CASQ2: variants seen among roughly 807,000 people sequenced by gnomAD.
The protein encoded by CASQ2 is calsequestrin 2.
CASQ2 carries 49 observed loss-of-function variants against 46.5 expected under a neutral mutation model. The ratio of observed to expected loss-of-function variants is 1.05; its 90% confidence interval spans 0.84 to 1.34. The LOEUF (loss-of-function observed/expected upper bound fraction) is 1.34. CASQ2 is among the 40% of genes most tolerant of loss of function. The pLI is 0.00. For missense variants in CASQ2, 486 were observed against 481.3 expected, an observed-to-expected ratio of 1.01 and a Z score of -0.09; for synonymous variants, 174 against 168.5, an observed-to-expected ratio of 1.03 and a Z score of -0.25.
At chr1:115,745,361 G>A (rs7518735) in intron 1 of CASQ2, among the ~76,000 whole-genome samples, 6 of 125,052 alleles carry the variant, frequency 4.8e-5, no homozygotes, top group Admixed American at 4.0e-4. Context: ...CAAACATTGC[G>A]CTCAATTCCC....
At chr1:115,733,359 A>C (rs2101086606) in intron 4 of CASQ2, among the ~76,000 whole-genome samples, 1 of 152,332 alleles carries the variant, frequency 6.6e-6, no homozygotes, top group East Asian at 1.9e-4. Flanking sequence ...GCAGTTTGCC[A>C]GAATAAATGA....
chr1:115,722,323 T>G (rs995213597), intron 7 of CASQ2, among the ~76,000 whole-genome samples: 3 of 152,240 alleles, frequency 2.0e-5, no homozygotes, highest in Non-Finnish European at 4.4e-5. Context: ...TATTTTATAT[T>G]ATAGCAAAAG....
chr1:115,745,549 G>A (rs1485021134), intron 1 of CASQ2, among the ~76,000 whole-genome samples: 1 of 152,078 alleles, frequency 6.6e-6, no homozygotes, highest in Non-Finnish European at 1.5e-5. Flanking sequence ...ACTTCTCTGG[G>A]TAGACACCAG....
At chr1:115,763,517 TG>T (rs1490627356) in intron 1 of CASQ2, among the ~76,000 whole-genome samples, 3 of 152,226 alleles carry the variant, frequency 2.0e-5, no homozygotes, top group Non-Finnish European at 4.4e-5. Flanking sequence ...TCCCAAGGCC[TG>T]ATTTCCTCAG....
At chr1:115,713,634 T>C (rs1265155206) in intron 8 of CASQ2, among the ~76,000 whole-genome samples, 2 of 152,228 alleles carry the variant, frequency 1.3e-5, no homozygotes, top group East Asian at 3.9e-4. Flanking sequence ...ATCCCAAACC[T>C]GGACAGACAG....
intron 8 of CASQ2, among the ~76,000 whole-genome samples, chr1:115,709,518 G>C (rs1654475123): frequency 6.6e-6 from 1 of 152,218 alleles, no homozygotes; most frequent in South Asian, 2.1e-4. Context: ...GTACTATTCA[G>C]AGATGTGTAG....
chr1:115,725,736 A>G (rs1331574443), intron 6 of CASQ2, among the ~76,000 whole-genome samples, 183 bp from the exon 7 acceptor site: 1 of 152,156 alleles, frequency 6.6e-6, no homozygotes, highest in African/African-American at 2.4e-5. Context: ...CTGCTGTGTC[A>G]GACAGCGAGC....
intron 1 of CASQ2, among the ~76,000 whole-genome samples, chr1:115,745,641 C>T (rs1257599386): frequency 6.6e-6 from 1 of 152,168 alleles, no homozygotes; most frequent in East Asian, 1.9e-4. Flanking sequence ...GCAATACTTG[C>T]TTACTTCAGG....
At chr1:115,737,001 C>T (rs564617803) in intron 4 of CASQ2, among the ~76,000 whole-genome samples, 2 of 152,240 alleles carry the variant, frequency 1.3e-5, no homozygotes, top group African/African-American at 4.8e-5. Context: ...TTATCCTAAC[C>T]TTGTTTTGCT....
intron 4 of CASQ2, 30 bp from the exon 5 acceptor site, chr1:115,733,004 G>A: frequency 1.4e-6 from 2 of 1,462,052 alleles, no homozygotes; most frequent in South Asian, 1.1e-5. Flanking sequence ...TGAAGGGAGA[G>A]ACATTTTCAA....
chr1:115,753,708 A>C (rs1648660438), intron 1 of CASQ2, among the ~76,000 whole-genome samples: 1 of 152,194 alleles, frequency 6.6e-6, no homozygotes, highest in Middle Eastern at 3.2e-3. Context: ...GCTCTAACCC[A>C]GGGAAAGACA....
Position 115,725,392 on chromosome 1 carries a change from G to T in CASQ2, c.783+116C>A, listed in dbSNP as rs113914107. 9.0e-4 allele frequency: 1,032 copies of T among 1,141,032 alleles called. 4 individuals are homozygous for T. In the African/African-American group the frequency reaches 0.014, roughly 16 times the overall value. The allele number at this position is 1,141,032 out of a possible 1,614,324, so 70.7% of individuals were successfully genotyped here. A position where few individuals can be genotyped will look rare whatever the true frequency, so the allele number is the denominator to read the frequency against. On this transcript the variant is annotated intron_variant, in intron 7 of 10. Transcript: ENST00000261448. ...TGTCCATGTTTCAAATACTCATCTA[G>T]ACATCCACCTCAGCCAAATAAACTT...
At chr1:115,744,141 CAAAAAAAA>C (rs71683766) in intron 2 of CASQ2, among the ~76,000 whole-genome samples, 4 of 129,222 alleles carry the variant, frequency 3.1e-5, no homozygotes, top group African/African-American at 1.3e-4. Context: ...GAACCTGTCT[CAAAAAAAA>C]AAAAAAAAGA....
chr1:115,753,815 G>C (rs1328252178), intron 1 of CASQ2, among the ~76,000 whole-genome samples: 1 of 152,096 alleles, frequency 6.6e-6, no homozygotes, highest in Admixed American at 6.5e-5. Flanking sequence ...GGGAGGTGGA[G>C]GGTCATAAAG....
Position 115,768,305 on chromosome 1 carries a change from T to C in CASQ2, c.234+3A>G, listed in dbSNP as rs727502909. The C allele has an allele frequency of 3.1e-6, 5 of 1,601,880 alleles. No individual in the cohort carries two copies. The African/African-American group carries it at 6.7e-5, about 21-fold the overall frequency. ...GCAGACAGCATGCCCTTTGGTTACT[T>C]ACCTCAAGCACGATTTCTTTCAGTT... On this transcript the variant is annotated splice_donor_region_variant and intron_variant, in intron 1 of 10. Transcript: ENST00000261448.
At chr1:115,728,009 C>G (rs1047105067) in intron 5 of CASQ2, among the ~76,000 whole-genome samples, 1 of 152,156 alleles carries the variant, frequency 6.6e-6, no homozygotes, top group Non-Finnish European at 1.5e-5. Flanking sequence ...GTGCAACGCT[C>G]TATAGAAAAC....
intron 1 of CASQ2, among the ~76,000 whole-genome samples, chr1:115,750,804 G>C (rs948391223): frequency 2.6e-5 from 4 of 152,178 alleles, no homozygotes; most frequent in Non-Finnish European, 5.9e-5. Context: ...ACCGCGCCCA[G>C]CCTAAAAATT....
intron 8 of CASQ2, among the ~76,000 whole-genome samples, chr1:115,712,966 CA>C (rs1654596623): frequency 6.6e-6 from 1 of 152,078 alleles, no homozygotes; most frequent in Non-Finnish European, 1.5e-5. Context: ...CAATTGGTCT[CA>C]AAAAGATTTT....
intron 3 of CASQ2, among the ~76,000 whole-genome samples, chr1:115,738,874 C>CA (rs1275619385): frequency 6.6e-6 from 1 of 151,798 alleles, no homozygotes; most frequent in African/African-American, 2.4e-5. Flanking sequence ...ATTATCTCTC[C>CA]ATTCCCACCA....
Sources: gnomAD v4.1 joint callset for allele counts (sites outside exome capture counted in the v4.1 genomes callset) on GRCh38, gnomAD v4.1.1 for gene constraint, MANE v1.5 for transcripts, NCBI Gene and HGNC (gene_info 2026-07-23, HGNC 2026-07-21) for gene names.